Variants in KDM5C observed in about 807,000 individuals in gnomAD.
KDM5C encodes lysine-specific demethylase 5C.
A neutral mutation model predicts 110.6 loss-of-function variants in KDM5C; 16 were observed. The observed-to-expected ratio is 0.14, with a 90% confidence interval of 0.10 to 0.22. The LOEUF (loss-of-function observed/expected upper bound fraction) is 0.22, where lower values mean the gene tolerates loss of function less well. Among genes scored for constraint, KDM5C ranks in the 10% least tolerant of loss-of-function variants. The pLI is 1.00. For synonymous variants in KDM5C, 511 were observed against 520.4 expected (o/e 0.98, Z 0.24); for missense variants, 681 against 1,300.9 (o/e 0.52, Z 7.33).
At chrX:53,221,589 G>C in intron 1 of KDM5C, 1 of 414,786 alleles carries the variant, frequency 2.4e-6, no homozygotes, top group South Asian at 2.6e-5. Context: ...AGGACGTAAA[G>C]GTTTGGGCCT....
At chrX:53,216,807 C>A (rs782273560) in intron 5 of KDM5C, among the ~76,000 whole-genome samples, 2 of 112,078 alleles carry the variant, frequency 1.8e-5, no homozygotes, top group East Asian at 5.6e-4. Context: ...CATAGCAAGA[C>A]CCTATGCCTC....
intron 21 of KDM5C, 53 bp from the exon 22 acceptor site, chrX:53,195,121 C>A: frequency 8.5e-7 from 1 of 1,180,900 alleles, no homozygotes; most frequent in Non-Finnish European, 1.1e-6. Flanking sequence ...ACATCCCCCG[C>A]CTCCTTCCCT....
At chrX:53,195,585 G>A in intron 20 of KDM5C, 175 bp from the exon 21 acceptor site, 1 of 519,435 alleles carries the variant, frequency 1.9e-6, no homozygotes, top group Non-Finnish European at 3.3e-6. Flanking sequence ...GGCATCTACT[G>A]ACTGGCTCAG....
intron 25 of KDM5C, 21 bp downstream of exon 25, chrX:53,193,416 G>A (rs2146814448): frequency 8.3e-7 from 1 of 1,211,745 alleles, no homozygotes. Context: ...TCCTGGCCCG[G>A]CCCATGACCC....
Position 53,194,484 on chromosome X carries a change from TG to T in KDM5C, c.3692del (p.Pro1231HisfsTer33). On this transcript the variant is annotated frameshift_variant, in exon 23 of 26. Transcript: ENST00000375401. LOFTEE classifies it high-confidence loss of function. ...TGTCCCATTCCCACCAGGCCAGCAG[TG>T]GGGATGAGGTGGGATTGGGCCTCGG... is the stretch of plus-strand genomic sequence containing the variant. ...SSPRPNPTSSPLLAWWEWDTK... is the reference protein window; with the variant it reads ...SSPRPNPTSSXLLAWWEWDTK... 1 of 1,210,665 alleles carries T rather than the reference TG, an allele frequency of 8.3e-7. No individual in the cohort carries two copies.
In KDM5C at chrX:53,194,232, T is replaced by C. The variant is rs1934650778; in HGVS notation, c.3945A>G (p.Leu1315=). The change falls in exon 23 of 26, where the codon CTA becomes CTG. Residue 1315 remains leucine (L), a synonymous_variant. Transcript: ENST00000375401. Reference sequence around the variant, plus strand: ...GCTCCTCAGGTCTAGGTTCAGCCTGTAGCCGTTGGCGGAGCTCAGCCAGCC... The same window carrying C: ...GCTCCTCAGGTCTAGGTTCAGCCTGCAGCCGTTGGCGGAGCTCAGCCAGCC... ...LGRLAELRQR[L]QAEPRPEEPP... The C allele has an allele frequency of 8.3e-7, 1 of 1,211,936 alleles. No homozygotes were observed. The highest frequency in any genetic ancestry group is 2.2e-5 in the Admixed American group (1 of 46,127).
At chrX:53,177,964 T>A (rs1404301846) in intron 25 of KDM5C, among the ~76,000 whole-genome samples, 2 of 111,061 alleles carry the variant, frequency 1.8e-5, no homozygotes, top group Non-Finnish European at 3.8e-5. Context: ...GCTCAAGCAA[T>A]CCTCCCACCT....
chrX:53,214,889 CTG>C (rs782609351), intron 7 of KDM5C, 42 bp from the exon 8 acceptor site: 12 of 1,189,152 alleles, frequency 1.0e-5, no homozygotes, highest in Admixed American at 2.2e-5. Flanking sequence ...TGGAAATCCA[CTG>C]TGTTTGCTGG....
chrX:53,192,883 C>CCCCCCACA lies in KDM5C; in HGVS notation c.*83_*84insTGTGGGGG. Reference sequence around the variant, plus strand: ...GCCACCCCCCTACCCGCCCACCCCCCAAGAAGCAGGCTTGATGGTCAGAAA... The same window carrying CCCCCCACA: ...GCCACCCCCCTACCCGCCCACCCCCCCCCCCACAAAGAAGCAGGCTTGATGGTCAGAAA... On this transcript the variant is annotated 3_prime_UTR_variant, in exon 26 of 26. Transcript: ENST00000375401. 1 of 1,063,298 alleles carries CCCCCCACA rather than the reference C, an allele frequency of 9.4e-7. No individual in the cohort carries two copies. The highest frequency in any genetic ancestry group is 1.2e-6 in the Non-Finnish European group (1 of 809,525). 87.6% of individuals were successfully genotyped at this position (1,063,298 alleles called of 1,213,427 possible).
At chrX:53,201,358 C>A in intron 14 of KDM5C, 192 bp downstream of exon 14, 1 of 465,181 alleles carries the variant, frequency 2.1e-6, no homozygotes, top group South Asian at 3.1e-5. Context: ...GAGGGGAAAA[C>A]TGACAATGAA....
At chrX:53,193,709 G>A (rs1320709012) in intron 24 of KDM5C, 64 bp downstream of exon 24, 14 of 1,170,838 alleles carry the variant, frequency 1.2e-5, no homozygotes, top group Non-Finnish European at 1.6e-5. Flanking sequence ...ACAGAGCTGA[G>A]GACTACATGG....
chrX:53,176,448 GGT>G (rs1933886523), exon 26 of KDM5C, among the ~76,000 whole-genome samples: 1 of 111,833 alleles, frequency 8.9e-6, no homozygotes, highest in Non-Finnish European at 1.9e-5. Flanking sequence ...GGCAGCAGGT[GGT>G]TGGATGAGGG....
chrX:53,195,516 GGATTAAAA>G (rs1934775130), intron 20 of KDM5C, 106 bp from the exon 21 acceptor site: 1 of 800,271 alleles, frequency 1.2e-6, no homozygotes, highest in African/African-American at 2.1e-5. Flanking sequence ...CAGTCTTGAG[GGATTAAAA>G]AAATAGGTGT....
chrX:53,210,073 T>C (rs1172955681), intron 12 of KDM5C, among the ~76,000 whole-genome samples: 4 of 112,383 alleles, frequency 3.6e-5, no homozygotes, highest in Non-Finnish European at 7.5e-5. Context: ...AAGTTTTTAC[T>C]AACAGAAGGT....
intron 10 of KDM5C, among the ~76,000 whole-genome samples, chrX:53,211,103 T>TA (rs1340472002): frequency 9.0e-6 from 1 of 111,613 alleles, no homozygotes; most frequent in Non-Finnish European, 1.9e-5. Flanking sequence ...ACCTGCAAGT[T>TA]AAAAAAATCC....
downstream of KDM5C, among the ~76,000 whole-genome samples, chrX:53,188,705 T>C (rs1934309834): frequency 9.0e-6 from 1 of 111,447 alleles, no homozygotes; most frequent in African/African-American, 3.3e-5. Flanking sequence ...GAATAGAATA[T>C]TGCAAAAGTG....
intron 2 of KDM5C, chrX:53,218,601 G>T: frequency 2.0e-6 from 1 of 493,852 alleles, no homozygotes; most frequent in Admixed American, 2.8e-5. Flanking sequence ...TTTTTGAGAC[G>T]GTCTTGCTCT....
chrX:53,200,562 G>A (rs1271375070), intron 14 of KDM5C, among the ~76,000 whole-genome samples: 1 of 111,491 alleles, frequency 9.0e-6, no homozygotes, highest in Non-Finnish European at 1.9e-5. Flanking sequence ...GAAAAGCCCA[G>A]GGACTCAACA....
chrX:53,196,904 G>T lies in KDM5C; in HGVS notation c.2763C>A (p.Leu921=). The T allele has an allele frequency of 8.3e-7, 1 of 1,203,137 alleles. No homozygotes were observed. The change falls in exon 19 of 26, where the codon CTC becomes CTA. Residue 921 remains leucine, a synonymous_variant. Transcript: ENST00000375401. ...LGVEVPEAQQ[L]QRQVEQARWL... ...ATCGCGCCTGTTCCACCTGCCGCTG[G>T]AGCTGCTGGGCCTCAGGCACCTCCA...
Sources: gnomAD v4.1 joint callset for allele counts (sites outside exome capture counted in the v4.1 genomes callset) on GRCh38, gnomAD v4.1.1 for gene constraint, MANE v1.5 for transcripts, NCBI Gene and HGNC (gene_info 2026-07-23, HGNC 2026-07-21) for gene names.